ANKS3: variants seen among roughly 807,000 people sequenced by gnomAD.
ANKS3 encodes ankyrin repeat and sterile alpha motif domain containing 3, also known as ankyrin repeat and SAM domain-containing protein 3.
Under a neutral mutation model 80.7 loss-of-function variants are expected in ANKS3, and 62 were observed. The ratio of observed to expected loss-of-function variants is 0.77; its 90% CI spans 0.63 to 0.95. The LOEUF (loss-of-function observed/expected upper bound fraction) is 0.95, where lower values mean the gene tolerates loss of function less well. Ranked by LOEUF, ANKS3 falls within the 40% of genes least tolerant of loss-of-function variation. The probability of loss-of-function intolerance (pLI) is 0.00; values close to 1 mark genes in which losing one functional copy is unlikely to be tolerated. For missense variants in ANKS3, 1,150 were observed against 883.6 expected, an observed-to-expected ratio of 1.30 and a Z score of -3.82; for synonymous variants, 489 against 355.3, an observed-to-expected ratio of 1.38 and a Z score of -4.23.
chr16:4,705,081 C>T lies in ANKS3; in HGVS notation c.868+14G>A, dbSNP rs188134584. 2.1e-4 allele frequency: 333 copies of T among 1,609,886 alleles called. No individual in the cohort carries two copies. In the African/African-American group the frequency reaches 2.9e-3, roughly 14 times the overall value. On this transcript the variant is annotated intron_variant, in intron 8 of 17. Transcript: ENST00000304283. Reference sequence around the variant, plus strand: ...GCAATGAGAAAGAGCCCTCGGGAAACGCGGGCCACTCACCATAGCGAGGCC... The same window carrying T: ...GCAATGAGAAAGAGCCCTCGGGAAATGCGGGCCACTCACCATAGCGAGGCC...
intron 6 of ANKS3, among the ~76,000 whole-genome samples, chr16:4,716,360 C>CA (rs1162795772): frequency 0.042 from 2,032 of 48,072 alleles, 33 homozygotes; most frequent in African/African-American, 0.06. Flanking sequence ...GACTCCAACT[C>CA]AAAAAAAAAA....
At chr16:4,705,010 G>A in intron 8 of ANKS3, 85 bp downstream of exon 8, 3 of 1,528,652 alleles carry the variant, frequency 2.0e-6, no homozygotes, top group East Asian at 2.3e-5. Context: ...CCACATTTCA[G>A]GAGCCTAAGA....
intron 6 of ANKS3, among the ~76,000 whole-genome samples, chr16:4,720,700 G>C (rs2081044533): frequency 6.6e-6 from 1 of 151,162 alleles, no homozygotes; most frequent in Non-Finnish European, 1.5e-5. Context: ...CAGCACTTTG[G>C]GAGGCCAAAG....
At chr16:4,729,933 C>T (rs750513177) in intron 3 of ANKS3, 47 bp downstream of exon 3, 2 of 1,434,834 alleles carry the variant, frequency 1.4e-6, no homozygotes, top group East Asian at 2.6e-5. Context: ...TCGAAGCCAT[C>T]ACTGCGCTGC....
intron 8 of ANKS3, among the ~76,000 whole-genome samples, chr16:4,704,828 G>A (rs796765499): frequency 1.4e-4 from 21 of 152,342 alleles, no homozygotes; most frequent in African/African-American, 5.0e-4. Flanking sequence ...TCTGCTGCAG[G>A]AGAGAAAGTT....
At chr16:4,709,166 G>T (rs2080356016) in intron 7 of ANKS3, among the ~76,000 whole-genome samples, 1 of 151,882 alleles carries the variant, frequency 6.6e-6, no homozygotes, top group Admixed American at 6.6e-5. Flanking sequence ...CAGCACTTTG[G>T]GAGGCCGAGT....
At chr16:4,712,440 A>G (rs965553867) in intron 7 of ANKS3, among the ~76,000 whole-genome samples, 1 of 152,156 alleles carries the variant, frequency 6.6e-6, no homozygotes, top group Admixed American at 6.5e-5. Flanking sequence ...CTGAATATCC[A>G]TAGAAAAATA....
At chr16:4,733,882 C>T (rs1168545851) in intron 1 of ANKS3, 56 bp downstream of exon 1, 1 of 981,658 alleles carries the variant, frequency 1.0e-6, no homozygotes, top group East Asian at 1.1e-4. Flanking sequence ...AACCGCATCG[C>T]AAAGGTAGCT....
chr16:4,710,516 C>G (rs756733932), intron 7 of ANKS3, among the ~76,000 whole-genome samples: 3 of 152,112 alleles, frequency 2.0e-5, no homozygotes, highest in Non-Finnish European at 2.9e-5. Context: ...TGAGACCAGC[C>G]TGGTCAACAT....
chr16:4,704,808 T>A (rs1257527790), intron 8 of ANKS3, among the ~76,000 whole-genome samples: 1 of 152,214 alleles, frequency 6.6e-6, no homozygotes, highest in African/African-American at 2.4e-5. Context: ...AATCTGACCT[T>A]AGCTACATTT....
chr16:4,714,587 T>C (rs2080681642), intron 6 of ANKS3, among the ~76,000 whole-genome samples: 1 of 152,258 alleles, frequency 6.6e-6, no homozygotes, highest in South Asian at 2.1e-4. Context: ...GCAGAATTCG[T>C]AACTTTGATC....
Position 4,696,738 on chromosome 16 carries a change from G to A in ANKS3, c.*170C>T. 3 of 512,844 alleles carry A rather than the reference G, an allele frequency of 5.8e-6. No individual in the cohort carries two copies. The South Asian group carries it at 6.3e-5, about 11-fold the overall frequency. 31.8% of individuals were successfully genotyped at this position (512,844 alleles called of 1,614,324 possible). ...GTGCTGGCCCGAGCTGCCGAGCCAG[G>A]GCCGCAGCCCCCGTCTTGCCTCTGT... On this transcript the variant is annotated 3_prime_UTR_variant, in exon 18 of 18. Coordinates refer to ENST00000304283, the MANE Select transcript of ANKS3 (RefSeq NM_133450.4).
intron 1 of ANKS3, among the ~76,000 whole-genome samples, chr16:4,731,802 G>C (rs1220548524): frequency 6.6e-6 from 1 of 152,150 alleles, no homozygotes; most frequent in African/African-American, 2.4e-5. Flanking sequence ...CGGTGAACTG[G>C]TGAGGTAACA....
At chr16:4,730,785 G>A (rs1021400141) in intron 2 of ANKS3, among the ~76,000 whole-genome samples, 2 of 152,086 alleles carry the variant, frequency 1.3e-5, no homozygotes, top group African/African-American at 4.8e-5. Context: ...TGAGGAGGCG[G>A]AGGTTGCGGT....
intron 6 of ANKS3, among the ~76,000 whole-genome samples, chr16:4,715,246 C>G (rs1716107452): frequency 6.6e-6 from 1 of 151,848 alleles, no homozygotes. Flanking sequence ...TGGACAACAA[C>G]CTGGGCAACA....
intron 15 of ANKS3, 38 bp from the exon 16 acceptor site, chr16:4,697,454 C>A: frequency 6.6e-7 from 1 of 1,506,702 alleles, no homozygotes; most frequent in Non-Finnish European, 9.0e-7. Context: ...AGCTGGGGGT[C>A]TGCGTCCCCA....
chr16:4,711,498 C>G, intron 7 of ANKS3, among the ~76,000 whole-genome samples: 1 of 151,622 alleles, frequency 6.6e-6, no homozygotes, highest in East Asian at 2.0e-4. Flanking sequence ...GTGGGCAGAC[C>G]ACCTGAGGTC....
At chr16:4,708,610 AACAG>A (rs1442124427) in intron 7 of ANKS3, among the ~76,000 whole-genome samples, 1 of 152,154 alleles carries the variant, frequency 6.6e-6, no homozygotes, top group African/African-American at 2.4e-5. Flanking sequence ...TTTTCCACTA[AACAG>A]ACAAAGTACT....
intron 5 of ANKS3, chr16:4,725,186 A>C: frequency 1.1e-5 from 2 of 182,296 alleles, no homozygotes; most frequent in East Asian, 1.4e-4. Context: ...CATTCATCCA[A>C]ATCCTGGCTT....
Sources: gnomAD v4.1 joint callset for allele counts (sites outside exome capture counted in the v4.1 genomes callset) on GRCh38, gnomAD v4.1.1 for gene constraint, MANE v1.5 for transcripts, NCBI Gene and HGNC (gene_info 2026-07-23, HGNC 2026-07-21) for gene names.